Variants in SLC39A11 observed in about 807,000 individuals in gnomAD.
The protein encoded by SLC39A11 is zinc transporter ZIP11.
In SLC39A11, 33 loss-of-function variants were observed where a neutral mutation model predicts 36.1. The ratio of observed to expected loss-of-function variants is 0.91; its 90% CI spans 0.69 to 1.22. The LOEUF (loss-of-function observed/expected upper bound fraction) is 1.22, where lower values mean the gene tolerates loss of function less well. Ranked by LOEUF, SLC39A11 falls within the 50% of genes most tolerant of loss-of-function variation. SLC39A11 has a pLI of 0.00. For synonymous variants in SLC39A11, 166 were observed against 170.3 expected (o/e 0.97, Z 0.20); for missense variants, 432 against 430.3 (o/e 1.00, Z -0.03).
chr17:73,082,829 G>A (rs567643013), intron 3 of SLC39A11, among the ~76,000 whole-genome samples: 7 of 141,440 alleles, frequency 4.9e-5, no homozygotes, highest in Admixed American at 2.3e-4. Context: ...TGGCCAACAC[G>A]GCAAAACCCC....
chr17:72,886,455 C>T (rs2081441171), intron 5 of SLC39A11, among the ~76,000 whole-genome samples: 2 of 152,198 alleles, frequency 1.3e-5, no homozygotes, highest in South Asian at 2.1e-4. Flanking sequence ...CTTTCTCCTT[C>T]TCTCAGAGTC....
chr17:72,690,227 A>C (rs1403445026), intron 7 of SLC39A11, among the ~76,000 whole-genome samples: 1 of 152,200 alleles, frequency 6.6e-6, no homozygotes. Context: ...GAAACTTTGA[A>C]GGCATGTGCC....
chr17:72,725,387 C>T (rs540501217), intron 7 of SLC39A11: 9 of 152,206 alleles, frequency 5.9e-5, no homozygotes, highest in Non-Finnish European at 8.8e-5. Context: ...AAGACAATAA[C>T]GAGCTTTATA....
chr17:72,988,017 G>A (rs1399254432), intron 4 of SLC39A11, among the ~76,000 whole-genome samples: 6 of 152,160 alleles, frequency 3.9e-5, no homozygotes, highest in Admixed American at 2.0e-4. Flanking sequence ...GAGTACATAG[G>A]TGTGTATATT....
chr17:72,911,346 A>T (rs1464512676), intron 5 of SLC39A11, among the ~76,000 whole-genome samples: 2 of 152,054 alleles, frequency 1.3e-5, no homozygotes, highest in Non-Finnish European at 2.9e-5. Flanking sequence ...CAGCACACCA[A>T]CACGGCACAT....
At position 73,005,899 on chromosome 17, in the gene SLC39A11, C is replaced by G. The variant is rs376938485; in HGVS notation, c.306+25657G>C. On this transcript the variant is annotated intron_variant, in intron 4 of 9. Coordinates refer to ENST00000255559, the MANE Select transcript of SLC39A11 (RefSeq NM_139177.4). ...CTGGGAGGTGGAGGTTGCAGTGAGC[C>G]GAGATCACACCACTGCACTCCAGCC... is the stretch of plus-strand genomic sequence containing the variant. Among the ~76,000 whole-genome samples the G allele has an allele frequency of 2.6e-5, 4 of 151,300 alleles. No homozygotes were observed. The East Asian group carries it at 7.8e-4, about 29-fold the overall frequency.
chr17:73,034,142 T>C (rs764897843), intron 3 of SLC39A11, among the ~76,000 whole-genome samples: 2 of 152,176 alleles, frequency 1.3e-5, no homozygotes, highest in Non-Finnish European at 2.9e-5. Context: ...GCTTTAGAAT[T>C]CAACAGCCCT....
chr17:72,727,077 G>A (rs941528797), intron 7 of SLC39A11, among the ~76,000 whole-genome samples: 5 of 152,298 alleles, frequency 3.3e-5, no homozygotes, highest in Non-Finnish European at 7.4e-5. Flanking sequence ...GACTACAAAC[G>A]TCTCTTGACG....
intron 7 of SLC39A11, among the ~76,000 whole-genome samples, chr17:72,660,367 C>T (rs557076951): frequency 2.1e-4 from 32 of 152,364 alleles, no homozygotes; most frequent in African/African-American, 7.0e-4. Flanking sequence ...AAGCATATTA[C>T]ATGTAACAAC....
At chr17:72,682,201 A>C (rs1288465393) in intron 7 of SLC39A11, among the ~76,000 whole-genome samples, 1 of 152,116 alleles carries the variant, frequency 6.6e-6, no homozygotes, top group African/African-American at 2.4e-5. Flanking sequence ...ATTATGGGGA[A>C]TTGTATAATT....
chr17:72,884,098 G>A (rs1161281499), intron 5 of SLC39A11, among the ~76,000 whole-genome samples: 2 of 152,156 alleles, frequency 1.3e-5, no homozygotes, highest in Admixed American at 6.5e-5. Flanking sequence ...AAGCTGCAGT[G>A]AGCTGTGATC....
chr17:73,007,548 G>T (rs1424796295), intron 4 of SLC39A11, among the ~76,000 whole-genome samples: 2 of 152,210 alleles, frequency 1.3e-5, no homozygotes, highest in Non-Finnish European at 2.9e-5. Flanking sequence ...GAGGAAGGTG[G>T]TTCCTGGCAG....
At chr17:73,018,278 G>A (rs188175171) in intron 4 of SLC39A11, among the ~76,000 whole-genome samples, 1 of 152,342 alleles carries the variant, frequency 6.6e-6, no homozygotes, top group African/African-American at 2.4e-5. Flanking sequence ...GCCAGGTGCA[G>A]TGGCTCATGG....
At chr17:72,830,585 G>T (rs1204366564) in intron 6 of SLC39A11, among the ~76,000 whole-genome samples, 1 of 152,064 alleles carries the variant, frequency 6.6e-6, no homozygotes, top group Non-Finnish European at 1.5e-5. Context: ...CTTCACTCCA[G>T]GCACCATCCC....
At chr17:72,860,785 C>A (rs961897418) in intron 5 of SLC39A11, among the ~76,000 whole-genome samples, 1 of 152,214 alleles carries the variant, frequency 6.6e-6, no homozygotes, top group Non-Finnish European at 1.5e-5. Context: ...CAACTGCATT[C>A]ACTCACTGTA....
chr17:72,782,063 A>G (rs2076336939), intron 6 of SLC39A11, among the ~76,000 whole-genome samples: 2 of 152,122 alleles, frequency 1.3e-5, no homozygotes, highest in African/African-American at 4.8e-5. Flanking sequence ...GGCAGATATA[A>G]TTAAGGTAAG....
intron 6 of SLC39A11, among the ~76,000 whole-genome samples, chr17:72,757,972 A>G (rs2075425494): frequency 6.6e-6 from 1 of 151,468 alleles, no homozygotes; most frequent in Non-Finnish European, 1.5e-5. Context: ...TGCAACCTCC[A>G]CCTCCTGGGT....
intron 3 of SLC39A11, 75 bp from the exon 4 acceptor site, chr17:73,031,789 C>T: frequency 1.3e-6 from 2 of 1,486,650 alleles, no homozygotes; most frequent in Non-Finnish European, 1.8e-6. Context: ...CAGTTGCTCT[C>T]TGTGGCCCAG....
Position 73,088,231 on chromosome 17 carries a change from T to C in SLC39A11, c.108+426A>G, listed in dbSNP as rs538414652. On this transcript the variant is annotated intron_variant, in intron 2 of 9. Transcript: ENST00000255559. Reference sequence around the variant, plus strand: ...ATCACTTGAACCCGGGAGGTGGAGGTTGCAGAGAGCTGAGATCCTGCCACT... The same window carrying C: ...ATCACTTGAACCCGGGAGGTGGAGGCTGCAGAGAGCTGAGATCCTGCCACT... Among the ~76,000 whole-genome samples the C allele has an allele frequency of 4.6e-4, 69 of 149,714 alleles. No homozygotes were observed. In the East Asian group the frequency reaches 0.012, roughly 26 times the overall value.
Sources: allele counts gnomAD v4.1 joint callset (sites outside exome capture counted in the v4.1 genomes callset), GRCh38; gene constraint gnomAD v4.1.1; transcripts MANE v1.5; gene names NCBI Gene and HGNC (gene_info 2026-07-23, HGNC 2026-07-21).